Variants in SEC14L1 observed in about 807,000 individuals in gnomAD.
SEC14L1 encodes SEC14-like protein 1.
Under a neutral mutation model 85.3 loss-of-function variants are expected in SEC14L1, and 48 were observed. That is an observed-to-expected ratio of 0.56 (90% CI 0.45 to 0.72). The LOEUF is 0.72. Among genes scored for constraint, SEC14L1 ranks in the 30% least tolerant of loss-of-function variants. The pLI is 0.00. For missense variants in SEC14L1, 682 were observed against 921.4 expected (o/e 0.74, Z 3.36); for synonymous variants, 391 against 355.5 (o/e 1.10, Z -1.12).
intron 3 of SEC14L1, among the ~76,000 whole-genome samples, chr17:77,103,028 G>A (rs996267074): frequency 2.6e-5 from 4 of 151,996 alleles, no homozygotes; most frequent in Admixed American, 1.3e-4. Flanking sequence ...GACTGGACTC[G>A]AACTCCTGGC....
intron 3 of SEC14L1, among the ~76,000 whole-genome samples, chr17:77,095,630 A>G (rs1242424917): frequency 1.3e-5 from 2 of 152,138 alleles, no homozygotes; most frequent in Non-Finnish European, 2.9e-5. Flanking sequence ...CAGCCTGACC[A>G]ACATGGTGAA....
At chr17:77,123,271 G>A (rs965031975) in intron 3 of SEC14L1, among the ~76,000 whole-genome samples, 7 of 151,596 alleles carry the variant, frequency 4.6e-5, no homozygotes, top group African/African-American at 9.7e-5. Flanking sequence ...GGATGGTCTT[G>A]ATCTCTTGAC....
At chr17:77,142,427 G>T (rs961446075) in intron 1 of SEC14L1, among the ~76,000 whole-genome samples, 2 of 151,832 alleles carry the variant, frequency 1.3e-5, no homozygotes, top group African/African-American at 4.8e-5. Flanking sequence ...ATATGGTGGT[G>T]CGTGCCTGTG....
intron 3 of SEC14L1, among the ~76,000 whole-genome samples, chr17:77,114,965 A>C (rs989763185): frequency 6.6e-6 from 1 of 152,042 alleles, no homozygotes; most frequent in African/African-American, 2.4e-5. Flanking sequence ...TGAGAAGAGA[A>C]CTGTTTTCTT....
intron 3 of SEC14L1, among the ~76,000 whole-genome samples, chr17:77,110,063 T>C (rs565704310): frequency 6.6e-6 from 1 of 152,326 alleles, no homozygotes; most frequent in Non-Finnish European, 1.5e-5. Context: ...TTTTAACTTT[T>C]GTCATGTTAC....
At chr17:77,179,075 T>C (rs976776828) in intron 3 of SEC14L1, among the ~76,000 whole-genome samples, 1 of 152,208 alleles carries the variant, frequency 6.6e-6, no homozygotes, top group Admixed American at 6.5e-5. Flanking sequence ...ATATATCATG[T>C]CTGGAACTCT....
At chr17:77,177,353 T>C (rs1161982675) in intron 3 of SEC14L1, among the ~76,000 whole-genome samples, 5 of 150,218 alleles carry the variant, frequency 3.3e-5, no homozygotes, top group Non-Finnish European at 4.4e-5. Context: ...TTTTTCTAAT[T>C]TAAATTTAAA....
chr17:77,106,712 T>C (rs1344847821), intron 3 of SEC14L1, among the ~76,000 whole-genome samples: 1 of 151,970 alleles, frequency 6.6e-6, no homozygotes, highest in Non-Finnish European at 1.5e-5. Flanking sequence ...GGCCCGCACC[T>C]GTGGTCCCAG....
At chr17:77,188,907 A>G (rs568075460) in intron 3 of SEC14L1, among the ~76,000 whole-genome samples, 1 of 151,154 alleles carries the variant, frequency 6.6e-6, no homozygotes, top group East Asian at 1.9e-4. Flanking sequence ...TCGTGTGCTT[A>G]TTTGCCATCT....
rs1417680404 is a variant in SEC14L1 at position 77,213,952 on chromosome 17, G to A, written c.2077G>A (p.Gly693Ser). 4.3e-6 allele frequency: 7 copies of A among 1,613,466 alleles called. No homozygotes were observed. Among genetic ancestry groups the A allele is most frequent in the African/African-American group, 2.7e-5 (2 of 74,860 alleles). The change falls in exon 17 of 17, where the codon GGC becomes AGC. Residue 693 changes from glycine to serine, a missense_variant. Physicochemically the swap from Gly to Ser is moderately conservative, Grantham distance 56 (BLOSUM62 0). Transcript: ENST00000436233. The surrounding 1 kb of genome is among the most constrained non-coding windows in gnomAD (Gnocchi z 7.1). ...SMTSLESSHS[G>S]FSQLSAATTS... ...GACGAGCCTGGAGTCCAGCCACAGCGGCTTCTCCCAGCTGAGTGCCGCCAC... is the reference window on the plus strand; with the variant it reads ...GACGAGCCTGGAGTCCAGCCACAGCAGCTTCTCCCAGCTGAGTGCCGCCAC...
intron 3 of SEC14L1, among the ~76,000 whole-genome samples, chr17:77,146,095 G>C (rs1973290219): frequency 6.6e-6 from 1 of 152,038 alleles, no homozygotes. Context: ...CTGGTCCTGG[G>C]TTTGAGGATA....
At chr17:77,197,138 CT>C (rs1371010849) in intron 8 of SEC14L1, among the ~76,000 whole-genome samples, 1 of 152,216 alleles carries the variant, frequency 6.6e-6, no homozygotes, top group Non-Finnish European at 1.5e-5. Context: ...AACTGTGGTC[CT>C]TTCTGAGTGA....
At chr17:77,165,618 A>G (rs1405124353) in intron 3 of SEC14L1, among the ~76,000 whole-genome samples, 1 of 152,122 alleles carries the variant, frequency 6.6e-6, no homozygotes, top group Admixed American at 6.5e-5. Context: ...TTCACAATTT[A>G]TATGATAAGG....
chr17:77,205,272 G>C lies in SEC14L1; in HGVS notation c.1099-4G>C. 1 of 1,613,542 alleles carries C rather than the reference G, an allele frequency of 6.2e-7. No homozygotes were observed. Among genetic ancestry groups the C allele is most frequent in the Non-Finnish European group, 8.5e-7 (1 of 1,179,684 alleles). On this transcript the variant is annotated splice_polypyrimidine_tract_variant and splice_region_variant and intron_variant, in intron 10 of 16. Transcript: ENST00000436233. ...GGTAAATTTTCATGCCCTTTTGTATGTAGGTTCTCTCCATAAATGAAGAAG... is the reference window on the plus strand; with the variant it reads ...GGTAAATTTTCATGCCCTTTTGTATCTAGGTTCTCTCCATAAATGAAGAAG...
upstream of SEC14L1, among the ~76,000 whole-genome samples, chr17:77,140,128 T>C (rs1972931996): frequency 6.6e-6 from 1 of 152,200 alleles, no homozygotes; most frequent in Non-Finnish European, 1.5e-5. Context: ...TTTCTAGTCA[T>C]GAGCTCCTCT....
upstream of SEC14L1, among the ~76,000 whole-genome samples, chr17:77,137,544 C>T (rs1462770817): frequency 6.6e-6 from 1 of 152,220 alleles, no homozygotes; most frequent in Non-Finnish European, 1.5e-5. Flanking sequence ...AGACCTCCAA[C>T]ACTGTGGATT....
At chr17:77,126,142 C>T (rs1380657442) in intron 3 of SEC14L1, among the ~76,000 whole-genome samples, 1 of 152,220 alleles carries the variant, frequency 6.6e-6, no homozygotes, top group Non-Finnish European at 1.5e-5. Flanking sequence ...CAGAGCGAGA[C>T]TCCGTCTCAA....
intron 3 of SEC14L1, among the ~76,000 whole-genome samples, chr17:77,134,005 C>T (rs960776436): frequency 8.6e-5 from 13 of 151,302 alleles, no homozygotes; most frequent in African/African-American, 1.9e-4. Flanking sequence ...TGCCCACTCT[C>T]GTAATTCGAC....
intron 3 of SEC14L1, among the ~76,000 whole-genome samples, chr17:77,149,420 C>T (rs906076111): frequency 3.9e-5 from 6 of 152,242 alleles, no homozygotes; most frequent in Admixed American, 2.0e-4. Flanking sequence ...GGCATGATGG[C>T]GCCTGTCTGT....
Sources: gnomAD v4.1 joint callset for allele counts (sites outside exome capture counted in the v4.1 genomes callset) on GRCh38, gnomAD v4.1.1 for gene constraint, Gnocchi (gnomAD v3.1) non-coding constraint, MANE v1.5 for transcripts, NCBI Gene and HGNC (gene_info 2026-07-23, HGNC 2026-07-21) for gene names.